The following ADGRL2 variants were observed in gnomAD, a reference collection of about 807,000 sequenced individuals.
The protein encoded by ADGRL2 is adhesion G protein-coupled receptor L2.
ADGRL2 carries 44 observed loss-of-function variants against 157.4 expected under a neutral mutation model. The observed-to-expected ratio is 0.28, with a 90% CI of 0.22 to 0.36. The LOEUF is 0.36. Ranked by LOEUF, ADGRL2 falls within the 10% of genes least tolerant of loss-of-function variation. The probability of loss-of-function intolerance (pLI) is 1.00; values close to 1 mark genes in which losing one functional copy is unlikely to be tolerated. For missense variants in ADGRL2, 1,510 were observed against 1,768.9 expected, an observed-to-expected ratio of 0.85 and a Z score of 2.63; for synonymous variants, 585 against 624.7, an observed-to-expected ratio of 0.94 and a Z score of 0.95.
At position 81,417,588 on chromosome 1, in the gene ADGRL2, C is replaced by T. The variant is rs115723434; in HGVS notation, c.-301-27448C>T. On this transcript the variant is annotated intron_variant, in intron 1 of 24. Transcript: ENST00000370721. ...ATGGCACCATGTCATAGGTGGTGAA[C>T]ACAGTGACATTATTTAAGGTCAGGG... 7.0e-3 allele frequency among the ~76,000 whole-genome samples: 1,072 copies of T among 152,226 alleles called. 12 individuals carry two copies. Among genetic ancestry groups the T allele is most frequent in the African/African-American group, 0.024 (979 of 41,536 alleles).
chr1:81,841,426 A>T (rs1235224122), intron 2 of ADGRL2, among the ~76,000 whole-genome samples: 2 of 151,966 alleles, frequency 1.3e-5, no homozygotes, highest in Non-Finnish European at 2.9e-5. Flanking sequence ...TGGGTAGAAG[A>T]AAAAAAGGCA....
intron 2 of ADGRL2, among the ~76,000 whole-genome samples, chr1:81,462,628 T>G (rs2077962767): frequency 6.6e-6 from 1 of 152,200 alleles, no homozygotes; most frequent in African/African-American, 2.4e-5. Context: ...TCAGTTATTG[T>G]TACTTGGCCC....
chr1:81,397,313 C>CTTTTTTT lies in ADGRL2; in HGVS notation c.-301-47704_-301-47698dup, dbSNP rs59449077. The stretch of plus-strand genomic sequence containing the variant: ...TCTGTGGTATTAGTTATAATGTCTC[C>CTTTTTTT]TTTTTTTTTTTTTTTTTTTTTTTTT... On this transcript the variant is annotated intron_variant, in intron 1 of 24. Coordinates refer to the ADGRL2 transcript ENST00000370721. Among the ~76,000 whole-genome samples the CTTTTTTT allele has an allele frequency of 6.0e-4, 32 of 53,640 alleles. 3 individuals are homozygous for CTTTTTTT. Among genetic ancestry groups the CTTTTTTT allele is most frequent in the African/African-American group, 2.0e-3 (27 of 13,418 alleles). The allele number at this position is 53,640 out of a possible 152,430, so 35.2% of individuals were successfully genotyped here.
At chr1:81,610,785 T>C (rs1025623727) in intron 3 of ADGRL2, among the ~76,000 whole-genome samples, 9 of 152,084 alleles carry the variant, frequency 5.9e-5, no homozygotes, top group Non-Finnish European at 8.8e-5. Context: ...ATAGAGCCAA[T>C]AGAACTTAGA....
chr1:81,636,269 A>G (rs966962052), intron 3 of ADGRL2, among the ~76,000 whole-genome samples: 1 of 152,208 alleles, frequency 6.6e-6, no homozygotes, highest in Non-Finnish European at 1.5e-5. Context: ...ATATGTGCAT[A>G]TTTGTGTATG....
At chr1:81,405,786 A>T (rs1451897445) in intron 1 of ADGRL2, among the ~76,000 whole-genome samples, 1 of 152,156 alleles carries the variant, frequency 6.6e-6, no homozygotes, top group African/African-American at 2.4e-5. Context: ...ACCTCCCCCA[A>T]AAAAGTCATT....
At chr1:81,391,291 G>A (rs954886019) in intron 1 of ADGRL2, among the ~76,000 whole-genome samples, 21 of 152,398 alleles carry the variant, frequency 1.4e-4, no homozygotes, top group African/African-American at 3.8e-4. Flanking sequence ...AGAGACTGCC[G>A]TGCTAACATC....
At chr1:81,384,664 A>G (rs915347035) in intron 1 of ADGRL2, among the ~76,000 whole-genome samples, 1 of 152,142 alleles carries the variant, frequency 6.6e-6, no homozygotes, top group East Asian at 1.9e-4. Flanking sequence ...ATGTGTTTTT[A>G]AGGAAGTTTT....
At chr1:81,380,163 A>G (rs546455005) in intron 1 of ADGRL2, among the ~76,000 whole-genome samples, 15 of 152,256 alleles carry the variant, frequency 9.9e-5, no homozygotes, top group Admixed American at 7.8e-4. Context: ...TCTCCAGTCT[A>G]AATTTAATTT....
chr1:81,325,715 G>A (rs1374281262), intron 1 of ADGRL2, among the ~76,000 whole-genome samples: 1 of 152,158 alleles, frequency 6.6e-6, no homozygotes, highest in East Asian at 1.9e-4. Flanking sequence ...TTGCTTTCAT[G>A]TTGTGCTTAA....
chr1:81,764,432 C>A (rs1241301732), intron 2 of ADGRL2, among the ~76,000 whole-genome samples: 3 of 151,916 alleles, frequency 2.0e-5, no homozygotes, highest in Non-Finnish European at 4.4e-5. Flanking sequence ...TAGAACTAAG[C>A]CAAAAATTTT....
chr1:81,865,337 A>G (rs1195184525), intron 2 of ADGRL2, among the ~76,000 whole-genome samples: 2 of 152,218 alleles, frequency 1.3e-5, no homozygotes, highest in Non-Finnish European at 2.9e-5. Flanking sequence ...ATATAAAGAT[A>G]AATGTGAAAT....
At chr1:81,307,321 C>G (rs945153797) in intron 1 of ADGRL2, among the ~76,000 whole-genome samples, 1 of 152,144 alleles carries the variant, frequency 6.6e-6, no homozygotes, top group Admixed American at 6.5e-5. Flanking sequence ...TTTATGTAAG[C>G]AATTCCTGGG....
In ADGRL2 at chr1:81,952,156, TTC is replaced by T. The variant is rs1300788980; in HGVS notation, c.1794+16_1794+17del. On this transcript the variant is annotated intron_variant, in intron 9 of 23. Coordinates refer to ENST00000686636, the MANE Select transcript of ADGRL2 (RefSeq NM_001366006.2). ...AGTTATAACAAGGTAGAGAGAACTC[TTC>T]TGTTATTTTGAATTAGACACTTGGT... is the stretch of plus-strand genomic sequence containing the variant. The T allele has an allele frequency of 6.3e-7, 1 of 1,579,364 alleles. No homozygotes were observed.
At chr1:81,737,667 T>C (rs2084947092) in intron 1 of ADGRL2, among the ~76,000 whole-genome samples, 1 of 152,172 alleles carries the variant, frequency 6.6e-6, no homozygotes, top group African/African-American at 2.4e-5. Context: ...TATTTTAAGG[T>C]CAGGGTATAT....
At chr1:81,526,776 T>A (rs1316589581) in intron 2 of ADGRL2, among the ~76,000 whole-genome samples, 1 of 152,362 alleles carries the variant, frequency 6.6e-6, no homozygotes, top group Admixed American at 6.5e-5. Flanking sequence ...CTATTTCGAA[T>A]ATACACATTC....
chr1:81,462,479 G>A (rs960240584), intron 2 of ADGRL2, among the ~76,000 whole-genome samples: 10 of 152,074 alleles, frequency 6.6e-5, no homozygotes, highest in African/African-American at 2.2e-4. Flanking sequence ...AACAAATTCT[G>A]GACACATCAG....
chr1:81,850,677 C>T (rs1440174318), intron 2 of ADGRL2, among the ~76,000 whole-genome samples: 4 of 151,892 alleles, frequency 2.6e-5, no homozygotes, highest in African/African-American at 9.7e-5. Flanking sequence ...CAGGAATCCT[C>T]TGAATTTATA....
chr1:81,339,536 T>C (rs974039100), intron 1 of ADGRL2, among the ~76,000 whole-genome samples: 1 of 152,200 alleles, frequency 6.6e-6, no homozygotes, highest in Non-Finnish European at 1.5e-5. Context: ...AATCTTAACT[T>C]CTGTTAATCT....
Sources: gnomAD v4.1 joint callset for allele counts (sites outside exome capture counted in the v4.1 genomes callset) on GRCh38, gnomAD v4.1.1 for gene constraint, MANE v1.5 for transcripts, NCBI Gene and HGNC (gene_info 2026-07-23, HGNC 2026-07-21) for gene names.